Variants in UBE2W observed in about 807,000 individuals in gnomAD.
UBE2W encodes ubiquitin-conjugating enzyme E2 W.
Under a neutral mutation model 27.2 loss-of-function variants are expected in UBE2W, and 18 were observed. The ratio of observed to expected loss-of-function variants is 0.66; its 90% CI spans 0.46 to 0.98. UBE2W has a LOEUF of 0.98. Ranked by LOEUF, UBE2W falls within the 50% of genes least tolerant of loss-of-function variation. The pLI, the probability that UBE2W is intolerant of heterozygous loss-of-function variation, is 0.00. For synonymous variants in UBE2W, 53 were observed against 57.2 expected (o/e 0.93, Z 0.33); for missense variants, 90 against 180.2 (o/e 0.50, Z 2.87).
intron 1 of UBE2W, among the ~76,000 whole-genome samples, chr8:73,841,563 T>C (rs918453896): frequency 2.0e-5 from 3 of 152,122 alleles, no homozygotes; most frequent in Admixed American, 1.3e-4. Flanking sequence ...GCTTTCAGAG[T>C]ACAGTAGTGT....
intron 3 of UBE2W, among the ~76,000 whole-genome samples, chr8:73,823,992 A>T (rs534532088): frequency 8.5e-5 from 13 of 152,172 alleles, no homozygotes; most frequent in Admixed American, 1.3e-4. Context: ...AGTATCTGGG[A>T]AATATTTCAG....
At chr8:73,864,639 T>C (rs943696398) in intron 1 of UBE2W, among the ~76,000 whole-genome samples, 1 of 151,520 alleles carries the variant, frequency 6.6e-6, no homozygotes, top group Non-Finnish European at 1.5e-5. Context: ...TGGCATGATC[T>C]TGGCTCACTG....
intron 5 of UBE2W, among the ~76,000 whole-genome samples, chr8:73,803,617 T>C (rs892656438): frequency 1.3e-5 from 2 of 152,208 alleles, no homozygotes; most frequent in African/African-American, 4.8e-5. Flanking sequence ...ACCTACAGTT[T>C]GTAAAATACA....
intron 3 of UBE2W, among the ~76,000 whole-genome samples, chr8:73,824,684 T>C (rs1809757131): frequency 6.6e-6 from 1 of 152,192 alleles, no homozygotes; most frequent in Non-Finnish European, 1.5e-5. Flanking sequence ...TAGATTCTCA[T>C]AAAGAGCGTG....
intron 1 of UBE2W, among the ~76,000 whole-genome samples, chr8:73,844,819 A>G (rs1810705611): frequency 6.9e-6 from 1 of 145,296 alleles, no homozygotes; most frequent in Non-Finnish European, 1.5e-5. Flanking sequence ...GGAACTGAGG[A>G]GTGTCTCTGC....
At chr8:73,812,280 T>C (rs369659641) in intron 3 of UBE2W, among the ~76,000 whole-genome samples, 9 of 150,538 alleles carry the variant, frequency 6.0e-5, no homozygotes, top group East Asian at 5.8e-4. Context: ...AGAAATCAAG[T>C]CACTTATCCT....
intron 5 of UBE2W, among the ~76,000 whole-genome samples, chr8:73,800,742 C>T (rs1808602365): frequency 6.6e-6 from 1 of 152,164 alleles, no homozygotes; most frequent in Non-Finnish European, 1.5e-5. Context: ...GAACTTTCTA[C>T]TTCAGTCAGC....
chr8:73,857,203 T>A (rs1393584056), intron 1 of UBE2W, among the ~76,000 whole-genome samples: 2 of 152,048 alleles, frequency 1.3e-5, no homozygotes, highest in African/African-American at 4.8e-5. Context: ...CCTGACATAC[T>A]AGGTGGAAAC....
At chr8:73,810,935 A>G (rs1003688319) in intron 3 of UBE2W, among the ~76,000 whole-genome samples, 7 of 152,208 alleles carry the variant, frequency 4.6e-5, no homozygotes, top group Admixed American at 1.3e-4. Flanking sequence ...AACTACATTT[A>G]TAAGAATGAT....
intron 3 of UBE2W, among the ~76,000 whole-genome samples, chr8:73,812,496 G>A (rs550881810): frequency 1.3e-5 from 2 of 151,850 alleles, no homozygotes; most frequent in South Asian, 4.1e-4. Context: ...GTTTTTTAAT[G>A]AAATTTTATT....
chr8:73,872,612 T>C (rs538420579), intron 1 of UBE2W, among the ~76,000 whole-genome samples: 1 of 152,340 alleles, frequency 6.6e-6, no homozygotes, highest in African/African-American at 2.4e-5. Context: ...GTAGTGAAAC[T>C]AAGCTCTGAA....
chr8:73,822,367 G>C (rs1809651088), intron 3 of UBE2W, among the ~76,000 whole-genome samples: 1 of 151,992 alleles, frequency 6.6e-6, no homozygotes, highest in Non-Finnish European at 1.5e-5. Context: ...TAAACACAGG[G>C]CTTGCAACTT....
intron 5 of UBE2W, among the ~76,000 whole-genome samples, chr8:73,803,347 A>G (rs1013864442): frequency 5.3e-5 from 8 of 152,206 alleles, no homozygotes; most frequent in African/African-American, 1.4e-4. Flanking sequence ...CCTTCCCCTT[A>G]TCACTGATTT....
intron 5 of UBE2W, among the ~76,000 whole-genome samples, chr8:73,803,435 T>C (rs1586452288): frequency 6.6e-6 from 1 of 152,344 alleles, no homozygotes; most frequent in Middle Eastern, 3.4e-3. Flanking sequence ...TGATCTGTTC[T>C]TCTATTAGTA....
intron 1 of UBE2W, among the ~76,000 whole-genome samples, chr8:73,840,708 G>A (rs1810503434): frequency 6.6e-6 from 1 of 152,108 alleles, no homozygotes; most frequent in South Asian, 2.1e-4. Context: ...ACATATCCCA[G>A]GGGCTGAACC....
chr8:73,838,080 C>T lies in UBE2W; in HGVS notation c.16-7608G>A, dbSNP rs553058493. ...AAAGCACCCAAGAATCTGAGCTCTT[C>T]TAAGATACCCAAGGTTTACAAATTC... is the stretch of plus-strand genomic sequence containing the variant. On this transcript the variant is annotated intron_variant, in intron 1 of 5. Coordinates refer to ENST00000602593, the MANE Select transcript of UBE2W (RefSeq NM_018299.6). 5.9e-5 allele frequency among the ~76,000 whole-genome samples: 9 copies of T among 152,256 alleles called. No individual in the cohort carries two copies. The South Asian group carries it at 1.9e-3, about 32-fold the overall frequency.
In UBE2W at chr8:73,867,138, C is replaced by T. The variant is rs959421612; in HGVS notation, c.15+11670G>A. On this transcript the variant is annotated intron_variant, in intron 1 of 5. Transcript: ENST00000602593. ...GTTTAGGACCAGGTGTGGTGGCTCA[C>T]GCCTGTGATCTCAGCATGTTGGGAG... Among the ~76,000 whole-genome samples the T allele has an allele frequency of 3.3e-5, 5 of 152,314 alleles. No homozygotes were observed. In the East Asian group the frequency reaches 5.8e-4, roughly 18 times the overall value.
At chr8:73,821,286 T>C (rs1436339507) in intron 3 of UBE2W, among the ~76,000 whole-genome samples, 1 of 151,960 alleles carries the variant, frequency 6.6e-6, no homozygotes, top group Non-Finnish European at 1.5e-5. Flanking sequence ...AACCACTTCA[T>C]TAAAAGATGT....
At chr8:73,827,879 T>C (rs893984396) in intron 2 of UBE2W, among the ~76,000 whole-genome samples, 2 of 152,150 alleles carry the variant, frequency 1.3e-5, no homozygotes, top group African/African-American at 2.4e-5. Context: ...AGTTAAGATA[T>C]GTTCATTGTA....
Sources: gnomAD v4.1 joint callset for allele counts (sites outside exome capture counted in the v4.1 genomes callset) on GRCh38, gnomAD v4.1.1 for gene constraint, MANE v1.5 for transcripts, NCBI Gene and HGNC (gene_info 2026-07-23, HGNC 2026-07-21) for gene names.